Variants in SFXN5 observed in about 807,000 individuals in gnomAD.
SFXN5 encodes sideroflexin-5.
SFXN5 carries 43 observed loss-of-function variants against 50.2 expected under a neutral mutation model. The observed-to-expected ratio is 0.86, with a 90% CI of 0.67 to 1.11. The LOEUF (loss-of-function observed/expected upper bound fraction) is 1.11. Among genes scored for constraint, SFXN5 ranks in the 50% least tolerant of loss-of-function variants. The pLI, the probability that SFXN5 is intolerant of heterozygous loss-of-function variation, is 0.00. For synonymous variants in SFXN5, 203 were observed against 185.8 expected, an observed-to-expected ratio of 1.09 and a Z score of -0.75; for missense variants, 463 against 454.1, an observed-to-expected ratio of 1.02 and a Z score of -0.18.
Position 73,020,261 on chromosome 2 carries a change from T to C in SFXN5, c.335A>G (p.Tyr112Cys). Residue 112 changes from tyrosine to cysteine, a missense_variant, in exon 6 of 14, where the codon TAT becomes TGT. By Grantham distance (194) the Tyr-to-Cys change is radical. Coordinates refer to ENST00000272433, the MANE Select transcript of SFXN5 (RefSeq NM_144579.3). ...TACAATTGGCGTCCCAAAAGGAATA[T>C]AACCTGTGAACGAGAAGAAAAGAGT... is the stretch of plus-strand genomic sequence containing the variant. ...KIFMPFRMSG[Y>C]IPFGTPIVVG... 6.2e-7 allele frequency: 1 copy of C among 1,614,056 alleles called. No homozygotes were observed. The highest frequency in any genetic ancestry group is 8.5e-7 in the Non-Finnish European group (1 of 1,179,968).
At chr2:72,955,930 C>T (rs946100977) in intron 13 of SFXN5, among the ~76,000 whole-genome samples, 4 of 152,266 alleles carry the variant, frequency 2.6e-5, no homozygotes, top group African/African-American at 7.2e-5. Flanking sequence ...GGCAAGCTGC[C>T]GCGCAGCCTC....
intron 3 of SFXN5, among the ~76,000 whole-genome samples, chr2:73,036,554 G>A (rs1324193851): frequency 6.6e-6 from 1 of 152,162 alleles, no homozygotes; most frequent in Non-Finnish European, 1.5e-5. Flanking sequence ...GGGGCTTTCA[G>A]GACAGAAAAC....
intron 3 of SFXN5, among the ~76,000 whole-genome samples, chr2:73,034,970 G>A (rs992348794): frequency 5.3e-5 from 8 of 152,150 alleles, no homozygotes; most frequent in Non-Finnish European, 8.8e-5. Flanking sequence ...TACAGAAGAT[G>A]TCTCTCCCAT....
At position 72,971,633 on chromosome 2, in the gene SFXN5, T is replaced by C; in HGVS notation, c.678A>G (p.Glu226=). The stretch of plus-strand genomic sequence containing the variant: ...CATCGCTGTCCAGGACATCAATCCC[T>C]TCCTCCAGCTCCCCGTACCGCATCA... ...VVLMRYGELE[E]GIDVLDSDGN... is the part of the protein sequence containing the mutation. Residue 226 remains glutamate (E), a synonymous_variant, in exon 11 of 14, where the codon GAA becomes GAG. Transcript: ENST00000272433. 2 of 1,613,984 alleles carry C rather than the reference T, an allele frequency of 1.2e-6. No individual in the cohort carries two copies. Among genetic ancestry groups the C allele is most frequent in the African/African-American group, 2.7e-5 (2 of 75,040 alleles).
rs533324473 is a variant in SFXN5 at position 73,014,075 on chromosome 2, C to T, written c.357+6164G>A. Among the ~76,000 whole-genome samples, 55 of 152,228 alleles carry T rather than the reference C, an allele frequency of 3.6e-4. 1 individual carries two copies. Among genetic ancestry groups the T allele is most frequent in the Admixed American group, 2.3e-3 (35 of 15,296 alleles). The stretch of plus-strand genomic sequence containing the variant: ...GAGATTTATCCATATTCATAAATGT[C>T]GCCCTTGCTCATTGTTTTCTTTCCT... On this transcript the variant is annotated intron_variant, in intron 6 of 13. Coordinates refer to ENST00000272433, the MANE Select transcript of SFXN5 (RefSeq NM_144579.3).
chr2:72,947,780 C>A (rs1672122830), intron 13 of SFXN5, among the ~76,000 whole-genome samples: 1 of 152,154 alleles, frequency 6.6e-6, no homozygotes, highest in Admixed American at 6.5e-5. Flanking sequence ...AGGGCCCAGG[C>A]CTCTTCGCCA....
intron 13 of SFXN5, among the ~76,000 whole-genome samples, chr2:72,946,747 C>A (rs552371164): frequency 1.6e-4 from 25 of 152,300 alleles, no homozygotes; most frequent in African/African-American, 5.8e-4. Context: ...CGTCCCTCCC[C>A]ACAAGGTCTC....
intron 10 of SFXN5, among the ~76,000 whole-genome samples, chr2:72,974,348 C>T (rs762766919): frequency 6.6e-6 from 1 of 152,092 alleles, no homozygotes; most frequent in South Asian, 2.1e-4. Flanking sequence ...ATTAAACATG[C>T]GGCGAGCAGG....
intron 13 of SFXN5, among the ~76,000 whole-genome samples, chr2:72,952,029 G>C (rs113726066): frequency 2.6e-5 from 4 of 152,190 alleles, no homozygotes; most frequent in African/African-American, 9.6e-5. Context: ...GGAGAGCAGA[G>C]GCATTAGGCT....
intron 6 of SFXN5, among the ~76,000 whole-genome samples, chr2:73,002,443 G>A (rs921934069): frequency 6.6e-6 from 1 of 152,192 alleles, no homozygotes; most frequent in Non-Finnish European, 1.5e-5. Context: ...TTTACCTTCT[G>A]AGTGTTTGTG....
intron 1 of SFXN5, among the ~76,000 whole-genome samples, chr2:73,064,465 C>T (rs1253902409): frequency 6.6e-6 from 1 of 152,186 alleles, no homozygotes; most frequent in Non-Finnish European, 1.5e-5. Flanking sequence ...ACAAACCAGC[C>T]CAGGAGCAGC....
At chr2:73,003,104 C>T (rs1444885776) in intron 6 of SFXN5, among the ~76,000 whole-genome samples, 1 of 148,806 alleles carries the variant, frequency 6.7e-6, no homozygotes, top group Non-Finnish European at 1.5e-5. Flanking sequence ...AGTTAGAAGC[C>T]AGACCAGAGG....
At chr2:73,026,624 T>C (rs914256378) in intron 3 of SFXN5, among the ~76,000 whole-genome samples, 6 of 152,190 alleles carry the variant, frequency 3.9e-5, no homozygotes, top group South Asian at 4.1e-4. Flanking sequence ...ACCTACTGCA[T>C]TGCCATTCAT....
rs975723104 is a variant in SFXN5 at position 73,059,786 on chromosome 2, T to A, written c.103-1190A>T. 5.1e-6 allele frequency: 5 copies of A among 979,560 alleles called. 1 individual carries two copies. The African/African-American group carries it at 8.8e-5, about 17-fold the overall frequency. The allele number at this position is 979,560 out of a possible 1,614,324, so 60.7% of individuals were successfully genotyped here. On this transcript the variant is annotated intron_variant, in intron 1 of 13. Transcript: ENST00000272433. ...ACCATTTTCCCATTAAAGACATACA[T>A]AAGGGAGGCTCACAATGCTGTCCTG...
intron 6 of SFXN5, among the ~76,000 whole-genome samples, chr2:73,004,315 G>GCACACACACACACACACACACA (rs59114781): frequency 8.7e-6 from 1 of 115,556 alleles, no homozygotes; most frequent in African/African-American, 2.7e-5. Flanking sequence ...GAGTGCGCGC[G>GCACACACACACACACACACACA]CACACACACA....
chr2:73,055,938 G>C (rs1682055064), intron 2 of SFXN5, among the ~76,000 whole-genome samples: 1 of 152,156 alleles, frequency 6.6e-6, no homozygotes. Context: ...CCAGGAGTTT[G>C]AGACAAGCTG....
chr2:72,959,648 A>G (rs1673487082), intron 13 of SFXN5, among the ~76,000 whole-genome samples: 1 of 151,420 alleles, frequency 6.6e-6, no homozygotes, highest in South Asian at 2.1e-4. Flanking sequence ...TCTTCCACCT[A>G]CTGAAGTGGG....
At chr2:73,017,582 A>C (rs1676330288) in intron 6 of SFXN5, among the ~76,000 whole-genome samples, 1 of 152,266 alleles carries the variant, frequency 6.6e-6, no homozygotes, top group Non-Finnish European at 1.5e-5. Flanking sequence ...AGTGGTATTG[A>C]TGTAGCAATT....
chr2:73,044,839 G>C (rs988845739), intron 2 of SFXN5, among the ~76,000 whole-genome samples: 1 of 152,234 alleles, frequency 6.6e-6, no homozygotes, highest in African/African-American at 2.4e-5. Context: ...CTCTGGAGGG[G>C]CCTGCACCCA....
Sources: gnomAD v4.1 joint callset for allele counts (sites outside exome capture counted in the v4.1 genomes callset) on GRCh38, gnomAD v4.1.1 for gene constraint, MANE v1.5 for transcripts, NCBI Gene and HGNC (gene_info 2026-07-23, HGNC 2026-07-21) for gene names.